ARID3A: variants seen among roughly 807,000 people sequenced by gnomAD.
The protein encoded by ARID3A is AT-rich interaction domain 3A, also known as AT-rich interactive domain-containing protein 3A.
Under a neutral mutation model 52.7 loss-of-function variants are expected in ARID3A, and 11 were observed. That is an observed-to-expected ratio of 0.21 (90% CI 0.13 to 0.35). The LOEUF (loss-of-function observed/expected upper bound fraction) is 0.35. Among genes scored for constraint, ARID3A ranks in the 10% least tolerant of loss-of-function variants. The probability of loss-of-function intolerance (pLI) is 1.00; values close to 1 mark genes in which losing one functional copy is unlikely to be tolerated. For synonymous variants in ARID3A, 404 were observed against 359.4 expected (o/e 1.12, Z -1.40); for missense variants, 721 against 838.5 (o/e 0.86, Z 1.73).
intron 3 of ARID3A, among the ~76,000 whole-genome samples, chr19:954,091 G>T (rs1426331279): frequency 6.6e-6 from 1 of 152,098 alleles, no homozygotes. Flanking sequence ...GAGGGAGCAG[G>T]AGAGGGCAGG....
intron 3 of ARID3A, among the ~76,000 whole-genome samples, chr19:933,451 T>C (rs2037374900): frequency 6.6e-6 from 1 of 152,146 alleles, no homozygotes; most frequent in Admixed American, 6.5e-5. Flanking sequence ...GTGGCCAGGC[T>C]CACATTCCAG....
chr19:932,397 C>G (rs772693999), intron 2 of ARID3A, 21 bp from the exon 3 acceptor site: 5 of 1,593,004 alleles, frequency 3.1e-6, no homozygotes, highest in Non-Finnish European at 4.3e-6. Flanking sequence ...TCCCCTGACT[C>G]CTGCCCTCTG....
chr19:958,689 C>T (rs1005148109), intron 3 of ARID3A, among the ~76,000 whole-genome samples: 84 of 151,740 alleles, frequency 5.5e-4, no homozygotes, highest in African/African-American at 1.6e-3. Flanking sequence ...GTCAGGAGAT[C>T]GAGACCATCC....
chr19:963,960 C>A (rs1257238383), intron 4 of ARID3A, among the ~76,000 whole-genome samples: 1 of 152,216 alleles, frequency 6.6e-6, no homozygotes. Context: ...GTCTCCCGCA[C>A]GTCCCTCCTC....
intron 3 of ARID3A, among the ~76,000 whole-genome samples, chr19:940,919 G>T (rs992062496): frequency 6.6e-6 from 1 of 152,124 alleles, no homozygotes; most frequent in Admixed American, 6.5e-5. Context: ...GCGGGCGAGG[G>T]GTGGGTGGGT....
intron 3 of ARID3A, among the ~76,000 whole-genome samples, chr19:950,015 A>AGAGGCCGTCCCCAGAGTGAACGGGTGGAT (rs2037770944): frequency 6.6e-6 from 1 of 151,696 alleles, no homozygotes; most frequent in African/African-American, 2.4e-5. Flanking sequence ...AAAGATGCAA[A>AGAGGCCGTCCCCAGAGTGAACGGGTGGAT]GAGGCCGTCC....
intron 1 of ARID3A, among the ~76,000 whole-genome samples, chr19:926,706 C>T (rs1025169632): frequency 6.6e-6 from 1 of 151,084 alleles, no homozygotes; most frequent in African/African-American, 2.4e-5. Context: ...CCCGGGCGCC[C>T]GGTTCCTCGG....
At chr19:971,574 A>T (rs2038276043) in intron 8 of ARID3A, among the ~76,000 whole-genome samples, 1 of 152,188 alleles carries the variant, frequency 6.6e-6, no homozygotes, top group Non-Finnish European at 1.5e-5. Context: ...ATATCGCACC[A>T]CTGCACTCCA....
rs2145451680 is a variant in ARID3A at position 964,106 on chromosome 19, C to A, written c.767-142C>A. On this transcript the variant is annotated intron_variant, in intron 4 of 8. Coordinates refer to ENST00000263620, the MANE Select transcript of ARID3A (RefSeq NM_005224.3). This position sits in a 1 kb window ranked among gnomAD's most constrained non-coding sequence, Gnocchi z 5.7. ...GGATGATCCTGCACCCACAGAGGGC[C>A]CTGGGCAATGTCTGGAGACATCTGT... The A allele has an allele frequency of 1.5e-6, 1 of 664,720 alleles. No homozygotes were observed. Among genetic ancestry groups the A allele is most frequent in the East Asian group, 2.8e-5 (1 of 36,228 alleles). 41.2% of individuals were successfully genotyped at this position (664,720 alleles called of 1,614,324 possible).
chr19:948,361 C>G (rs1568364005), intron 3 of ARID3A, among the ~76,000 whole-genome samples: 1 of 152,148 alleles, frequency 6.6e-6, no homozygotes, highest in African/African-American at 2.4e-5. Flanking sequence ...GCTCTGCTGC[C>G]TCTGTCAGTC....
At chr19:937,016 C>T (rs538592522) in intron 3 of ARID3A, among the ~76,000 whole-genome samples, 1 of 152,182 alleles carries the variant, frequency 6.6e-6, no homozygotes, top group East Asian at 1.9e-4. Context: ...GCCTGTAATC[C>T]CTGTACTTTG....
At chr19:958,889 CAAA>C (rs368361708) in intron 3 of ARID3A, among the ~76,000 whole-genome samples, 1 of 144,968 alleles carries the variant, frequency 6.9e-6, no homozygotes, top group African/African-American at 2.5e-5. Flanking sequence ...GACTCCGTCT[CAAA>C]AAAAAAAAAA....
At chr19:961,294 C>T (rs975600579) in intron 4 of ARID3A, among the ~76,000 whole-genome samples, 6 of 152,188 alleles carry the variant, frequency 3.9e-5, no homozygotes, top group South Asian at 2.1e-4. Context: ...GCCAGCCGCC[C>T]GGAAGGGAAG....
At chr19:937,406 C>T (rs1263614420) in intron 3 of ARID3A, among the ~76,000 whole-genome samples, 1 of 152,208 alleles carries the variant, frequency 6.6e-6, no homozygotes, top group African/African-American at 2.4e-5. Flanking sequence ...ACGGCTGAGT[C>T]ATACTCCGCT....
chr19:930,551 C>T (rs549842472), intron 2 of ARID3A, among the ~76,000 whole-genome samples: 3 of 149,942 alleles, frequency 2.0e-5, no homozygotes, highest in South Asian at 2.1e-4. Context: ...CTCTTTTCGC[C>T]CAGGCTGGAG....
At chr19:945,959 C>T (rs145193631) in intron 3 of ARID3A, among the ~76,000 whole-genome samples, 1,792 of 152,274 alleles carry the variant, frequency 0.012, 35 homozygotes, top group African/African-American at 0.041. Flanking sequence ...TGCAGGGAAC[C>T]CCAGGACGGA....
intron 1 of ARID3A, among the ~76,000 whole-genome samples, chr19:927,414 C>G (rs1323765135): frequency 2.6e-5 from 4 of 152,064 alleles, no homozygotes; most frequent in Non-Finnish European, 5.9e-5. Flanking sequence ...GGGATCCCCA[C>G]CTGCCCCCTC....
chr19:950,019 GCCGTCC>G (rs2037771069), intron 3 of ARID3A, among the ~76,000 whole-genome samples: 1 of 151,776 alleles, frequency 6.6e-6, no homozygotes, highest in Admixed American at 6.6e-5. Context: ...ATGCAAAGAG[GCCGTCC>G]CCAGAGTGAA....
rs186149842 is a variant in ARID3A at position 949,310 on chromosome 19, G to A, written c.694-10782G>A. Among the ~76,000 whole-genome samples, 78 of 152,238 alleles carry A rather than the reference G, an allele frequency of 5.1e-4. 1 individual carries two copies. In the East Asian group the frequency reaches 9.9e-3, roughly 19 times the overall value. ...CCCCCAGGGACCCTGCCCACCTGGG[G>A]AGCAGCAGCCGCAGGTGCTGAGTCA... On this transcript the variant is annotated intron_variant, in intron 3 of 8. Transcript: ENST00000263620.
Sources: gnomAD v4.1 joint callset for allele counts (sites outside exome capture counted in the v4.1 genomes callset) on GRCh38, gnomAD v4.1.1 for gene constraint, Gnocchi (gnomAD v3.1) non-coding constraint, MANE v1.5 for transcripts, NCBI Gene and HGNC (gene_info 2026-07-23, HGNC 2026-07-21) for gene names.